Variants in ZDHHC20 observed in about 807,000 individuals in gnomAD.
ZDHHC20 encodes the protein zDHHC palmitoyltransferase 20.
In ZDHHC20, 43 loss-of-function variants were observed where a neutral mutation model predicts 57.8. That is an observed-to-expected ratio of 0.74 (90% CI 0.58 to 0.96). The LOEUF is 0.96. ZDHHC20 is among the 40% of genes least tolerant of loss of function. ZDHHC20 has a pLI of 0.00. For missense variants in ZDHHC20, 391 were observed against 441.1 expected, an observed-to-expected ratio of 0.89 and a Z score of 1.02; for synonymous variants, 157 against 153.0, an observed-to-expected ratio of 1.03 and a Z score of -0.19.
At chr13:21,441,448 C>G (rs372518902) in intron 1 of ZDHHC20, among the ~76,000 whole-genome samples, 1 of 149,036 alleles carries the variant, frequency 6.7e-6, no homozygotes, top group South Asian at 2.1e-4. Flanking sequence ...TGCAGTGGCG[C>G]GATCTCCACT....
At chr13:21,401,035 T>A (rs1877551405) in intron 6 of ZDHHC20, among the ~76,000 whole-genome samples, 1 of 151,968 alleles carries the variant, frequency 6.6e-6, no homozygotes, top group South Asian at 2.1e-4. Flanking sequence ...CCTAGTACTT[T>A]GGGAGGCCAA....
Position 21,455,183 on chromosome 13 carries a change from C to T in ZDHHC20, c.118+3871G>A, listed in dbSNP as rs141466315. ...ATCCGCCTGCCTTGGCCTCCCAAAG[C>T]GCTGGGATTACAGGTGTGAGCCACC... On this transcript the variant is annotated intron_variant, in intron 1 of 12. Transcript: ENST00000400590. Among the ~76,000 whole-genome samples, 1,405 of 152,150 alleles carry T rather than the reference C, an allele frequency of 9.2e-3. 31 individuals are homozygous for T. The East Asian group carries it at 0.1, about 11-fold the overall frequency.
chr13:21,410,621 T>A (rs1204177886), intron 4 of ZDHHC20, among the ~76,000 whole-genome samples: 1 of 152,212 alleles, frequency 6.6e-6, no homozygotes, highest in African/African-American at 2.4e-5. Context: ...TGGTGGGCTC[T>A]GCCCAGTGGG....
At chr13:21,390,386 C>G (rs1331906755) in intron 8 of ZDHHC20, 1 of 152,070 alleles carries the variant, frequency 6.6e-6, no homozygotes, top group Non-Finnish European at 1.5e-5. Flanking sequence ...AATGTTTGTC[C>G]AATTACGTGA....
intron 1 of ZDHHC20, among the ~76,000 whole-genome samples, chr13:21,445,154 C>G (rs540992755): frequency 6.6e-6 from 1 of 151,330 alleles, no homozygotes; most frequent in Non-Finnish European, 1.5e-5. Flanking sequence ...CATTACATGC[C>G]CCAAACACAA....
At chr13:21,403,726 C>A (rs972594337) in intron 4 of ZDHHC20, among the ~76,000 whole-genome samples, 1 of 152,120 alleles carries the variant, frequency 6.6e-6, no homozygotes, top group Non-Finnish European at 1.5e-5. Context: ...GTCGCTCCGT[C>A]GCCCAGGCTG....
chr13:21,386,435 T>G (rs925126397), intron 9 of ZDHHC20, among the ~76,000 whole-genome samples: 1 of 152,248 alleles, frequency 6.6e-6, no homozygotes, highest in Non-Finnish European at 1.5e-5. Context: ...GAAGTAGTGA[T>G]AGTCTTAAAA....
At chr13:21,412,127 C>T (rs1347802307) in intron 4 of ZDHHC20, among the ~76,000 whole-genome samples, 1 of 152,196 alleles carries the variant, frequency 6.6e-6, no homozygotes, top group African/African-American at 2.4e-5. Context: ...AAGGGTGCTG[C>T]ATCCCAGGGT....
At chr13:21,430,274 C>G (rs999483629) in intron 1 of ZDHHC20, among the ~76,000 whole-genome samples, 1 of 152,018 alleles carries the variant, frequency 6.6e-6, no homozygotes, top group East Asian at 1.9e-4. Flanking sequence ...GAGTCCAAGT[C>G]CCAGCTCCCT....
At chr13:21,457,076 G>A (rs1431734323) in intron 1 of ZDHHC20, among the ~76,000 whole-genome samples, 4 of 152,210 alleles carry the variant, frequency 2.6e-5, no homozygotes, top group African/African-American at 9.6e-5. Context: ...TGAATGAAAT[G>A]TCCCCTCTAT....
At chr13:21,421,386 A>C (rs1205771982) in intron 2 of ZDHHC20, among the ~76,000 whole-genome samples, 1 of 152,232 alleles carries the variant, frequency 6.6e-6, no homozygotes, top group Non-Finnish European at 1.5e-5. Context: ...TCTGGTTTAT[A>C]AGATGAGATT....
chr13:21,433,124 T>C (rs1044906269), intron 1 of ZDHHC20, among the ~76,000 whole-genome samples: 8 of 152,130 alleles, frequency 5.3e-5, no homozygotes, highest in African/African-American at 1.7e-4. Context: ...TATAAATACT[T>C]ACTTATTTTT....
At chr13:21,388,982 G>A (rs9509677) in intron 8 of ZDHHC20, among the ~76,000 whole-genome samples, 26,007 of 152,104 alleles carry the variant, frequency 0.17, 2,776 homozygotes, top group Non-Finnish European at 0.25. Flanking sequence ...GAAAATTGTT[G>A]GAGAATAGAA....
intron 7 of ZDHHC20, among the ~76,000 whole-genome samples, chr13:21,393,998 G>T (rs1876317289): frequency 6.6e-6 from 1 of 152,228 alleles, no homozygotes; most frequent in Admixed American, 6.5e-5. Flanking sequence ...TTCCAGCCGG[G>T]ATGCTGCAAC....
intron 1 of ZDHHC20, among the ~76,000 whole-genome samples, chr13:21,444,584 C>T (rs899753465): frequency 1.3e-5 from 2 of 152,028 alleles, no homozygotes; most frequent in South Asian, 2.1e-4. Flanking sequence ...TTAAATTATT[C>T]GTATTGGGCC....
At position 21,459,297 on chromosome 13, in the gene ZDHHC20, T is replaced by G; in HGVS notation, c.-126A>C. ...TCCCCCGCCTCCGAGGCAGGACTTG[T>G]GGGAGCAAAAGTCCGAGGCGCCGCC... is the stretch of plus-strand genomic sequence containing the variant. On this transcript the variant is annotated 5_prime_UTR_variant, in exon 1 of 13. Transcript: ENST00000400590. The G allele has an allele frequency of 3.0e-6, 2 of 660,630 alleles. No homozygotes were observed. Among genetic ancestry groups the G allele is most frequent in the South Asian group, 2.3e-5 (1 of 43,450 alleles). The allele number at this position is 660,630 out of a possible 1,614,324, so 40.9% of individuals were successfully genotyped here. A position where few individuals can be genotyped will look rare whatever the true frequency, so the allele number is the denominator to read the frequency against.
At chr13:21,391,940 C>T (rs1282456674) in intron 7 of ZDHHC20, 86 bp from the exon 8 acceptor site, 5 of 1,382,160 alleles carry the variant, frequency 3.6e-6, no homozygotes, top group Non-Finnish European at 2.0e-6. Flanking sequence ...TTGAATATAT[C>T]AAAATACTTG....
chr13:21,456,148 G>A (rs909448118), intron 1 of ZDHHC20, among the ~76,000 whole-genome samples: 1 of 152,208 alleles, frequency 6.6e-6, no homozygotes, highest in African/African-American at 2.4e-5. Flanking sequence ...CCTCATGCCT[G>A]TAATCCCAGC....
chr13:21,400,551 A>G, intron 6 of ZDHHC20, 58 bp from the exon 7 acceptor site: 1 of 1,508,628 alleles, frequency 6.6e-7, no homozygotes, highest in Non-Finnish European at 8.9e-7. Context: ...ATTCACAGAA[A>G]TAGAAAGTAG....
Sources: gnomAD v4.1 joint callset for allele counts (sites outside exome capture counted in the v4.1 genomes callset) on GRCh38, gnomAD v4.1.1 for gene constraint, MANE v1.5 for transcripts, NCBI Gene and HGNC (gene_info 2026-07-23, HGNC 2026-07-21) for gene names.